Variants in GATA4 observed in about 807,000 individuals in gnomAD.
GATA4 encodes transcription factor GATA-4.
In GATA4, 7 loss-of-function variants were observed where a neutral mutation model predicts 37.9. The observed-to-expected ratio is 0.18, with a 90% confidence interval of 0.11 to 0.35. The LOEUF (loss-of-function observed/expected upper bound fraction) is 0.35, where lower values mean the gene tolerates loss of function less well. GATA4 is among the 10% of genes least tolerant of loss of function. GATA4 has a pLI of 1.00. For missense variants in GATA4, 647 were observed against 653.0 expected, an observed-to-expected ratio of 0.99 and a Z score of 0.10; for synonymous variants, 372 against 292.6, an observed-to-expected ratio of 1.27 and a Z score of -2.77.
intron 1 of GATA4, among the ~76,000 whole-genome samples, chr8:11,705,002 G>C (rs1188533126): frequency 6.6e-6 from 1 of 152,252 alleles, no homozygotes; most frequent in Non-Finnish European, 1.5e-5. Flanking sequence ...CGCCGGCCAC[G>C]GGGCTGCCCG....
At chr8:11,714,246 A>T (rs1317690987) in intron 2 of GATA4, among the ~76,000 whole-genome samples, 3 of 152,274 alleles carry the variant, frequency 2.0e-5, no homozygotes, top group Admixed American at 2.0e-4. Context: ...GTCGATAAAA[A>T]TAACAACACA....
intron 4 of GATA4, among the ~76,000 whole-genome samples, chr8:11,754,198 A>T (rs997866476): frequency 6.6e-6 from 1 of 152,168 alleles, no homozygotes; most frequent in East Asian, 1.9e-4. Flanking sequence ...TTCCCAGCAC[A>T]ATAATTGATA....
intron 4 of GATA4, among the ~76,000 whole-genome samples, chr8:11,751,524 G>A (rs112599308): frequency 0.016 from 2,394 of 152,172 alleles, 59 homozygotes; most frequent in African/African-American, 0.054. Context: ...TACCTTAGAC[G>A]GGACATATGC....
intron 5 of GATA4, among the ~76,000 whole-genome samples, chr8:11,755,835 A>G (rs1423280773): frequency 1.3e-5 from 2 of 151,980 alleles, no homozygotes; most frequent in Admixed American, 6.6e-5. Context: ...GGGCTGCTCA[A>G]AAGTTTGAGG....
intron 2 of GATA4, among the ~76,000 whole-genome samples, chr8:11,739,876 C>T (rs946449675): frequency 6.6e-6 from 1 of 152,208 alleles, no homozygotes; most frequent in Admixed American, 6.5e-5. Flanking sequence ...CGAAATAGCC[C>T]AGACCCAGCT....
intron 2 of GATA4, among the ~76,000 whole-genome samples, chr8:11,723,385 T>A (rs1800765492): frequency 6.6e-6 from 1 of 152,040 alleles, no homozygotes; most frequent in African/African-American, 2.4e-5. Flanking sequence ...ACAAGCATGA[T>A]GTGTTTCTAT....
chr8:11,724,527 C>A (rs1323776644), intron 2 of GATA4, among the ~76,000 whole-genome samples: 71 of 152,300 alleles, frequency 4.7e-4, no homozygotes, highest in Non-Finnish European at 5.9e-5. Flanking sequence ...CTCTGAGTAA[C>A]AATAGGAACA....
chr8:11,688,516 G>A (rs1169032221), upstream of GATA4, among the ~76,000 whole-genome samples: 1 of 123,104 alleles, frequency 8.1e-6, no homozygotes, highest in South Asian at 2.8e-4. Context: ...GCATGCGCGT[G>A]CGCGCATGCA....
chr8:11,753,600 G>T (rs148728914), intron 4 of GATA4, among the ~76,000 whole-genome samples: 109 of 152,052 alleles, frequency 7.2e-4, no homozygotes, highest in African/African-American at 2.3e-3. Flanking sequence ...GGGGGATGGG[G>T]TGGGGGAGGA....
At chr8:11,693,562 C>CAGAGAGAGAGAGAGAGAGAGAGAGAG (rs139631153) in intron 1 of GATA4, among the ~76,000 whole-genome samples, 2 of 72,228 alleles carry the variant, frequency 2.8e-5, no homozygotes, top group Admixed American at 1.5e-4. Context: ...CACACACACA[C>CAGAGAGAGAGAGAGAGAGAGAGAGAG]AGAGAGAGAG....
At chr8:11,728,972 C>G (rs1374476723) in intron 2 of GATA4, among the ~76,000 whole-genome samples, 2 of 152,214 alleles carry the variant, frequency 1.3e-5, no homozygotes, top group African/African-American at 2.4e-5. Flanking sequence ...GTGGCTCACG[C>G]CTGTAATCCC....
chr8:11,719,572 A>G (rs528607656), intron 2 of GATA4, among the ~76,000 whole-genome samples: 117 of 152,356 alleles, frequency 7.7e-4, no homozygotes, highest in African/African-American at 2.8e-3. Context: ...GAAAACTCAC[A>G]TAAACCAATG....
chr8:11,682,074 G>C (rs1269139290), intron 1 of GATA4, among the ~76,000 whole-genome samples: 4 of 152,214 alleles, frequency 2.6e-5, no homozygotes, highest in Admixed American at 2.6e-4. Context: ...CTGCACAGTA[G>C]CTATTTTATT....
chr8:11,714,974 A>C (rs566177484), intron 2 of GATA4, among the ~76,000 whole-genome samples: 16 of 152,192 alleles, frequency 1.1e-4, no homozygotes, highest in Non-Finnish European at 2.1e-4. Flanking sequence ...TTCCACAAGC[A>C]CACCGGCACA....
At chr8:11,733,317 G>A (rs1261718437) in intron 2 of GATA4, among the ~76,000 whole-genome samples, 3 of 152,178 alleles carry the variant, frequency 2.0e-5, no homozygotes, top group Non-Finnish European at 4.4e-5. Context: ...TTATATGAAA[G>A]AGTTATTGTA....
At chr8:11,720,936 C>A (rs778774958) in intron 2 of GATA4, among the ~76,000 whole-genome samples, 14 of 152,124 alleles carry the variant, frequency 9.2e-5, no homozygotes, top group Non-Finnish European at 1.9e-4. Context: ...GTTCAGCTCC[C>A]TTCACACCCC....
At chr8:11,739,848 T>C (rs1196918195) in intron 2 of GATA4, among the ~76,000 whole-genome samples, 1 of 152,180 alleles carries the variant, frequency 6.6e-6, no homozygotes, top group African/African-American at 2.4e-5. Flanking sequence ...CACCTTGGTT[T>C]TCTCTTATGG....
intron 2 of GATA4, among the ~76,000 whole-genome samples, chr8:11,713,870 ACGGACGTAGC>A (rs1800313561): frequency 6.6e-6 from 1 of 152,090 alleles, no homozygotes; most frequent in Non-Finnish European, 1.5e-5. Flanking sequence ...TGCCTGTGAA[ACGGACGTAGC>A]CGGAGAACGT....
chr8:11,690,250 C>G (rs983556454), upstream of GATA4, among the ~76,000 whole-genome samples: 1 of 152,254 alleles, frequency 6.6e-6, no homozygotes, highest in Non-Finnish European at 1.5e-5. Context: ...GTCTCAGCCA[C>G]AGCCCTGATA....
Sources: allele counts gnomAD v4.1 joint callset (sites outside exome capture counted in the v4.1 genomes callset), GRCh38; gene constraint gnomAD v4.1.1; transcripts MANE v1.5; gene names NCBI Gene and HGNC (gene_info 2026-07-23, HGNC 2026-07-21).